Variants in NXN observed in about 807,000 individuals in gnomAD.
The protein encoded by NXN is nucleoredoxin 1.
Under a neutral mutation model 48.6 loss-of-function variants are expected in NXN, and 16 were observed. The ratio of observed to expected loss-of-function variants is 0.33; its 90% CI spans 0.22 to 0.50. NXN has a LOEUF of 0.50. Ranked by LOEUF, NXN falls within the 20% of genes least tolerant of loss-of-function variation. The pLI is 0.98. For missense variants in NXN, 492 were observed against 605.5 expected (o/e 0.81, Z 1.97); for synonymous variants, 281 against 269.6 (o/e 1.04, Z -0.41).
chr17:871,062 T>C (rs557645345), intron 1 of NXN, among the ~76,000 whole-genome samples: 20 of 152,018 alleles, frequency 1.3e-4, no homozygotes, highest in South Asian at 1.2e-3. Flanking sequence ...GGGGTTTCAC[T>C]GTGTTGGCCA....
At chr17:842,206 G>T (rs546520697) in intron 1 of NXN, among the ~76,000 whole-genome samples, 1 of 152,088 alleles carries the variant, frequency 6.6e-6, no homozygotes, top group Non-Finnish European at 1.5e-5. Context: ...AGTTAAACCC[G>T]CCACTTCATC....
chr17:915,966 G>C (rs2068685451), intron 1 of NXN, among the ~76,000 whole-genome samples: 1 of 152,000 alleles, frequency 6.6e-6, no homozygotes, highest in Non-Finnish European at 1.5e-5. Flanking sequence ...GTTTTTGTTT[G>C]TAGGCTCAAT....
chr17:966,294 A>AT (rs1342355918), intron 1 of NXN, among the ~76,000 whole-genome samples: 8 of 151,102 alleles, frequency 5.3e-5, no homozygotes, highest in Admixed American at 1.3e-4. Flanking sequence ...ACATTATGAG[A>AT]TTTTTTTGCT....
chr17:940,132 G>A (rs1196918174), intron 1 of NXN, among the ~76,000 whole-genome samples: 1 of 140,282 alleles, frequency 7.1e-6, no homozygotes, highest in African/African-American at 2.5e-5. Flanking sequence ...AGAGATCGAG[G>A]TGGGGGGGTC....
At chr17:885,741 C>T (rs1312001272) in intron 1 of NXN, among the ~76,000 whole-genome samples, 14 of 134,500 alleles carry the variant, frequency 1.0e-4, no homozygotes, top group East Asian at 2.3e-4. Flanking sequence ...AGTGCAGTGG[C>T]GCAATCTCAG....
chr17:874,553 T>C (rs2068194075), intron 1 of NXN, among the ~76,000 whole-genome samples: 1 of 152,204 alleles, frequency 6.6e-6, no homozygotes, highest in Non-Finnish European at 1.5e-5. Context: ...CACTGCACTG[T>C]AGCCTGGGTG....
intron 1 of NXN, among the ~76,000 whole-genome samples, chr17:826,298 G>T (rs1913096653): frequency 6.6e-6 from 1 of 151,442 alleles, no homozygotes; most frequent in Non-Finnish European, 1.5e-5. Context: ...TCCGAGGAGG[G>T]AGGTGATGGT....
chr17:898,184 T>C (rs1172267671), intron 1 of NXN, among the ~76,000 whole-genome samples: 1 of 152,148 alleles, frequency 6.6e-6, no homozygotes, highest in Non-Finnish European at 1.5e-5. Flanking sequence ...GGTTTCTCCC[T>C]GGTCGAGGCT....
intron 1 of NXN, among the ~76,000 whole-genome samples, chr17:879,254 GTTT>G (rs1308858414): frequency 6.9e-6 from 1 of 144,550 alleles, no homozygotes; most frequent in Non-Finnish European, 1.5e-5. Context: ...AGGAATCTGG[GTTT>G]TTTTTGTTTT....
chr17:812,712 G>A (rs193137744), intron 5 of NXN, among the ~76,000 whole-genome samples: 2 of 144,024 alleles, frequency 1.4e-5, no homozygotes, highest in East Asian at 2.2e-4. Flanking sequence ...GTGTTTGCAT[G>A]TGAGTGTAGG....
At chr17:877,692 C>T (rs538294765) in intron 1 of NXN, among the ~76,000 whole-genome samples, 22 of 152,214 alleles carry the variant, frequency 1.4e-4, no homozygotes, top group South Asian at 4.1e-4. Flanking sequence ...CTGGGGCACA[C>T]GCTCAGTGCT....
chr17:818,697 A>G (rs1176419945), intron 5 of NXN, among the ~76,000 whole-genome samples: 2 of 152,260 alleles, frequency 1.3e-5, no homozygotes, highest in African/African-American at 4.8e-5. Flanking sequence ...CATCCTGGCC[A>G]ACATGGTGAA....
chr17:800,671 A>C lies in NXN; in HGVS notation c.*278T>G. On this transcript the variant is annotated 3_prime_UTR_variant, in exon 8 of 8. Transcript: ENST00000336868. ...CCTGGCAGATCCTTCACCAAAAGCT[A>C]GTGACTTTGCGAAAGCCATGCAGCC... 3.9e-6 allele frequency: 1 copy of C among 259,588 alleles called. No homozygotes were observed. The highest frequency in any genetic ancestry group is 7.3e-6 in the Non-Finnish European group (1 of 137,166). The allele number at this position is 259,588 out of a possible 1,614,324, so 16.1% of individuals were successfully genotyped here. A position where few individuals can be genotyped will look rare whatever the true frequency, so the allele number is the denominator to read the frequency against.
chr17:977,719 A>G (rs2069478284), intron 1 of NXN, among the ~76,000 whole-genome samples: 1 of 152,272 alleles, frequency 6.6e-6, no homozygotes, highest in South Asian at 2.1e-4. Context: ...TTGCCGTAAC[A>G]ATGAAAATGT....
intron 5 of NXN, among the ~76,000 whole-genome samples, chr17:812,733 G>A (rs1029379274): frequency 1.4e-5 from 2 of 145,400 alleles, no homozygotes; most frequent in African/African-American, 2.6e-5. Context: ...GTGTGTGAGT[G>A]TAGGGTGCGT....
chr17:853,681 TCTCA>T (rs1365460263), intron 1 of NXN, among the ~76,000 whole-genome samples: 1 of 147,824 alleles, frequency 6.8e-6, no homozygotes, highest in African/African-American at 2.5e-5. Flanking sequence ...TTACAGTACT[TCTCA>T]CTATTTCTGT....
At chr17:805,020 T>TCCCCCCCCCCCCCCACC in intron 6 of NXN, 48 bp downstream of exon 6, 2 of 1,512,880 alleles carry the variant, frequency 1.3e-6, no homozygotes, top group Non-Finnish European at 1.8e-6. Context: ...GCCCCTCCTG[T>TCCCCCCCCCCCCCCACC]CCCGCCCCCC....
At position 850,812 on chromosome 17, in the gene NXN, A is replaced by G. The variant is rs140762928; in HGVS notation, c.361-24734T>C. On this transcript the variant is annotated intron_variant, in intron 1 of 7. Transcript: ENST00000336868. ...AACTTTAGTTTTCAAAGGCAGTTCA[A>G]TGAGGGGGCTGCCGTTGGCGGACAC... 3.3e-4 allele frequency among the ~76,000 whole-genome samples: 50 copies of G among 152,264 alleles called. 1 individual carries two copies. The highest frequency in any genetic ancestry group is 1.1e-3 in the African/African-American group (47 of 41,566).
intron 1 of NXN, among the ~76,000 whole-genome samples, chr17:841,456 G>A (rs868032531): frequency 0.018 from 1,470 of 82,210 alleles, 16 homozygotes; most frequent in Middle Eastern, 0.038. Flanking sequence ...CCCTGACCAC[G>A]GCGCATCTCA....
Sources: gnomAD v4.1 joint callset for allele counts (sites outside exome capture counted in the v4.1 genomes callset) on GRCh38, gnomAD v4.1.1 for gene constraint, MANE v1.5 for transcripts, NCBI Gene and HGNC (gene_info 2026-07-23, HGNC 2026-07-21) for gene names.